CCSER1: variants seen among roughly 807,000 people sequenced by gnomAD.
CCSER1 encodes the protein coiled-coil serine rich protein 1.
CCSER1 carries 41 observed loss-of-function variants against 82.0 expected under a neutral mutation model. The observed-to-expected ratio is 0.50, with a 90% confidence interval of 0.39 to 0.65. The LOEUF is 0.65. Among genes scored for constraint, CCSER1 ranks in the 30% least tolerant of loss-of-function variants. CCSER1 has a pLI of 0.00. For missense variants in CCSER1, 1,119 were observed against 1,064.2 expected (o/e 1.05, Z -0.72); for synonymous variants, 414 against 383.9 (o/e 1.08, Z -0.92).
intron 1 of CCSER1, among the ~76,000 whole-genome samples, chr4:90,222,162 C>G (rs1317738525): frequency 6.6e-6 from 1 of 152,034 alleles, no homozygotes; most frequent in East Asian, 1.9e-4. Flanking sequence ...GACACAGGGT[C>G]CCGTATTTGG....
At position 91,199,861 on chromosome 4, in the gene CCSER1, T is replaced by C. The variant is rs1266944578; in HGVS notation, c.2217+113867T>C. Among the ~76,000 whole-genome samples the C allele has an allele frequency of 3.3e-5, 5 of 152,006 alleles. No individual in the cohort carries two copies. In the East Asian group the frequency reaches 9.6e-4, roughly 29 times the overall value. Reference sequence around the variant, plus strand: ...TTTAAAATCTGAACATGAAAAAGTTTTCCACAGTTTTAAGATAATTTACCA... The same window carrying C: ...TTTAAAATCTGAACATGAAAAAGTTCTCCACAGTTTTAAGATAATTTACCA... On this transcript the variant is annotated intron_variant, in intron 10 of 10. Coordinates refer to ENST00000509176, the MANE Select transcript of CCSER1 (RefSeq NM_001145065.2).
At chr4:90,964,754 CAA>C (rs1734395551) in intron 9 of CCSER1, among the ~76,000 whole-genome samples, 1 of 107,876 alleles carries the variant, frequency 9.3e-6, no homozygotes, top group Non-Finnish European at 2.0e-5. Context: ...AAAAAAAAAG[CAA>C]CAAGAATATG....
chr4:91,149,399 T>C (rs991923727), intron 10 of CCSER1, among the ~76,000 whole-genome samples: 3 of 152,226 alleles, frequency 2.0e-5, no homozygotes, highest in African/African-American at 4.8e-5. Context: ...GATGGGTAGA[T>C]TGCAAAAATT....
Position 90,165,604 on chromosome 4 carries a change from G to A in CCSER1, c.-42+37773G>A, listed in dbSNP as rs570141545. On this transcript the variant is annotated intron_variant, in intron 1 of 10. Coordinates refer to ENST00000509176, the MANE Select transcript of CCSER1 (RefSeq NM_001145065.2). ...AAATAAGAACTCTCTTTGACTTCATGGATTATATTATCTATTGGAAAAGAC... is the reference window on the plus strand; with the variant it reads ...AAATAAGAACTCTCTTTGACTTCATAGATTATATTATCTATTGGAAAAGAC... Among the ~76,000 whole-genome samples, 3 of 151,920 alleles carry A rather than the reference G, an allele frequency of 2.0e-5. No individual in the cohort carries two copies. In the East Asian group the frequency reaches 5.8e-4, roughly 29 times the overall value.
chr4:90,162,625 A>G (rs1170040120), intron 1 of CCSER1, among the ~76,000 whole-genome samples: 3 of 152,084 alleles, frequency 2.0e-5, no homozygotes, highest in African/African-American at 7.2e-5. Context: ...TCAAAACCCT[A>G]ACAGTGGTGG....
intron 10 of CCSER1, among the ~76,000 whole-genome samples, chr4:91,097,249 G>A (rs764211683): frequency 6.6e-6 from 1 of 152,084 alleles, no homozygotes; most frequent in Non-Finnish European, 1.5e-5. Flanking sequence ...TCTAAATCAG[G>A]AATAAATATT....
chr4:91,059,084 C>T (rs1057437357), intron 9 of CCSER1, among the ~76,000 whole-genome samples: 3 of 151,920 alleles, frequency 2.0e-5, no homozygotes, highest in African/African-American at 7.2e-5. Flanking sequence ...AAAATCATGA[C>T]ATTTGAAAGA....
At chr4:90,488,086 A>T (rs1323559817) in intron 5 of CCSER1, among the ~76,000 whole-genome samples, 1 of 152,246 alleles carries the variant, frequency 6.6e-6, no homozygotes, top group African/African-American at 2.4e-5. Flanking sequence ...CAGAGATAGC[A>T]TGTTCCCTGT....
intron 9 of CCSER1, among the ~76,000 whole-genome samples, chr4:91,057,025 G>A (rs1294389892): frequency 1.3e-5 from 2 of 152,158 alleles, no homozygotes; most frequent in African/African-American, 4.8e-5. Context: ...AACTATGAGG[G>A]AGAGGTACAA....
chr4:90,555,684 G>A (rs1478678871), intron 5 of CCSER1, among the ~76,000 whole-genome samples: 2 of 151,998 alleles, frequency 1.3e-5, no homozygotes, highest in Admixed American at 1.3e-4. Flanking sequence ...AGTAACTATT[G>A]TTTAAAGAAA....
intron 10 of CCSER1, among the ~76,000 whole-genome samples, chr4:91,484,028 C>A (rs1258764748): frequency 7.1e-6 from 1 of 141,284 alleles, no homozygotes; most frequent in African/African-American, 2.6e-5. Flanking sequence ...ATAATAAGCA[C>A]TGTTGAGTCT....
At position 91,323,118 on chromosome 4, in the gene CCSER1, G is replaced by T. The variant is rs201664907; in HGVS notation, c.2217+237124G>T. On this transcript the variant is annotated intron_variant, in intron 10 of 10. Transcript: ENST00000509176. Reference sequence around the variant, plus strand: ...CATTAGACCTGAGCAGAAACATGCGGGCTGGACTCATTGTAGCCAACAGGA... The same window carrying T: ...CATTAGACCTGAGCAGAAACATGCGTGCTGGACTCATTGTAGCCAACAGGA... Among the ~76,000 whole-genome samples the T allele has an allele frequency of 5.9e-5, 9 of 152,278 alleles. No homozygotes were observed. The East Asian group carries it at 1.7e-3, about 29-fold the overall frequency.
intron 10 of CCSER1, among the ~76,000 whole-genome samples, chr4:91,274,339 T>C (rs2149189134): frequency 6.6e-6 from 1 of 152,256 alleles, no homozygotes; most frequent in African/African-American, 2.4e-5. Flanking sequence ...ACATTTCCAG[T>C]CCTTTCTTTC....
chr4:91,198,985 C>T (rs1442927681), intron 10 of CCSER1, among the ~76,000 whole-genome samples: 2 of 152,064 alleles, frequency 1.3e-5, no homozygotes, highest in East Asian at 1.9e-4. Flanking sequence ...CTCTTCCCTC[C>T]GAAGAGCAAG....
chr4:90,366,053 G>A (rs17016910), intron 3 of CCSER1, among the ~76,000 whole-genome samples: 11,818 of 151,674 alleles, frequency 0.078, 540 homozygotes, highest in East Asian at 0.18. Context: ...TATAACAGGC[G>A]TAATCAAAGT....
At chr4:90,319,517 G>C (rs1358580094) in intron 3 of CCSER1, among the ~76,000 whole-genome samples, 1 of 152,114 alleles carries the variant, frequency 6.6e-6, no homozygotes, top group African/African-American at 2.4e-5. Flanking sequence ...CAGGCGTGGT[G>C]GCACGCGCCT....
intron 5 of CCSER1, among the ~76,000 whole-genome samples, chr4:90,619,472 T>G (rs1721914080): frequency 6.6e-6 from 1 of 152,072 alleles, no homozygotes; most frequent in African/African-American, 2.4e-5. Context: ...TTGATACCTC[T>G]TAGACATAGG....
intron 9 of CCSER1, among the ~76,000 whole-genome samples, chr4:91,049,882 G>A (rs929193125): frequency 6.6e-6 from 1 of 152,068 alleles, no homozygotes; most frequent in African/African-American, 2.4e-5. Flanking sequence ...CATCTTTGAC[G>A]GGTAGAACAC....
intron 9 of CCSER1, among the ~76,000 whole-genome samples, chr4:91,042,144 C>T (rs1742015935): frequency 6.6e-6 from 1 of 152,110 alleles, no homozygotes; most frequent in Admixed American, 6.6e-5. Context: ...CCCAAAAACC[C>T]CATGTGCCAA....
Sources: allele counts gnomAD v4.1 joint callset (sites outside exome capture counted in the v4.1 genomes callset), GRCh38; gene constraint gnomAD v4.1.1; transcripts MANE v1.5; gene names NCBI Gene and HGNC (gene_info 2026-07-23, HGNC 2026-07-21).